Variants in TMEFF1 observed in about 807,000 individuals in gnomAD.
The protein encoded by TMEFF1 is tomoregulin-1.
In TMEFF1, 20 loss-of-function variants were observed where a neutral mutation model predicts 47.5. That is an observed-to-expected ratio of 0.42 (90% confidence interval 0.30 to 0.61). TMEFF1 has a LOEUF of 0.61. TMEFF1 is among the 20% of genes least tolerant of loss of function. The probability of loss-of-function intolerance (pLI) is 0.19; values close to 1 mark genes in which losing one functional copy is unlikely to be tolerated. For missense variants in TMEFF1, 411 were observed against 471.1 expected (o/e 0.87, Z 1.18); for synonymous variants, 162 against 166.3 (o/e 0.97, Z 0.20).
At chr9:100,526,311 A>G (rs1838252310) in intron 5 of TMEFF1, among the ~76,000 whole-genome samples, 1 of 151,906 alleles carries the variant, frequency 6.6e-6, no homozygotes, top group African/African-American at 2.4e-5. Flanking sequence ...TTTCCTAGAT[A>G]CTTACTGACT....
chr9:100,504,639 G>C (rs1011586184), intron 2 of TMEFF1, among the ~76,000 whole-genome samples: 2 of 152,210 alleles, frequency 1.3e-5, no homozygotes, highest in Non-Finnish European at 1.5e-5. Flanking sequence ...AACTTTGTTA[G>C]GTAGGTAGTA....
intron 5 of TMEFF1, among the ~76,000 whole-genome samples, chr9:100,546,434 C>G (rs908331352): frequency 2.0e-5 from 3 of 151,366 alleles, no homozygotes; most frequent in Admixed American, 6.6e-5. Context: ...TTCAATCCCC[C>G]CCCCACCAGG....
intron 1 of TMEFF1, among the ~76,000 whole-genome samples, chr9:100,475,532 C>T (rs1214319750): frequency 6.6e-6 from 1 of 152,074 alleles, no homozygotes; most frequent in African/African-American, 2.4e-5. Flanking sequence ...AATATTTTTC[C>T]AGCTAATGTG....
At chr9:100,544,130 C>G (rs1450777629) in intron 5 of TMEFF1, among the ~76,000 whole-genome samples, 2 of 151,334 alleles carry the variant, frequency 1.3e-5, no homozygotes, top group South Asian at 2.1e-4. Flanking sequence ...CTCCAGACTC[C>G]CTACCTTAGG....
In TMEFF1 at chr9:100,572,676, G is replaced by A; in HGVS notation, c.1058G>A (p.Arg353Lys). The change falls in exon 9 of 10, where the codon AGA (arginine) becomes AAA (lysine). Residue 353 changes from arginine (R) to lysine (K), a missense_variant and splice_region_variant. Arg to Lys is a conservative substitution (Grantham distance 26). Coordinates refer to ENST00000374879, the MANE Select transcript of TMEFF1 (RefSeq NM_003692.5). The stretch of plus-strand genomic sequence containing the variant: ...GTAGCAATTGTAATGTGCATAACAA[G>A]GTAGGTAATGATGTAAGAAATATCA... The part of the protein sequence containing the change: ...IIVAIVMCIT[R>K]KCPKNNRGRR... 5 of 1,602,602 alleles carry A rather than the reference G, an allele frequency of 3.1e-6. No homozygotes were observed. Among genetic ancestry groups the A allele is most frequent in the Non-Finnish European group, 4.3e-6 (5 of 1,175,448 alleles).
intron 5 of TMEFF1, among the ~76,000 whole-genome samples, chr9:100,523,603 AG>A (rs1434235117): frequency 1.3e-5 from 2 of 152,224 alleles, no homozygotes; most frequent in African/African-American, 2.4e-5. Flanking sequence ...AATTTGTTGC[AG>A]GCTTTATTAG....
chr9:100,556,231 C>T (rs1838911786), intron 7 of TMEFF1, among the ~76,000 whole-genome samples: 1 of 151,742 alleles, frequency 6.6e-6, no homozygotes, highest in Non-Finnish European at 1.5e-5. Flanking sequence ...GTGCCTGGAA[C>T]GTAATAGATG....
At chr9:100,515,087 G>A (rs1190481923) in intron 4 of TMEFF1, among the ~76,000 whole-genome samples, 1 of 152,170 alleles carries the variant, frequency 6.6e-6, no homozygotes, top group Admixed American at 6.5e-5. Context: ...GATTGCTTGA[G>A]CCCAGGAGGT....
intron 2 of TMEFF1, among the ~76,000 whole-genome samples, chr9:100,501,970 T>C (rs1462146308): frequency 9.9e-5 from 15 of 152,174 alleles, no homozygotes; most frequent in Admixed American, 9.8e-4. Flanking sequence ...AAAAGAGTAA[T>C]GTATGCCCAT....
chr9:100,530,283 T>G (rs902832122), intron 5 of TMEFF1, among the ~76,000 whole-genome samples: 13 of 151,932 alleles, frequency 8.6e-5, no homozygotes, highest in African/African-American at 3.1e-4. Flanking sequence ...TTCAAAAAAT[T>G]AATGAATCCA....
intron 2 of TMEFF1, among the ~76,000 whole-genome samples, chr9:100,506,906 G>A (rs1186123843): frequency 6.6e-6 from 1 of 151,162 alleles, no homozygotes; most frequent in Admixed American, 6.6e-5. Flanking sequence ...TTAAACTTCA[G>A]CTTTTATTTT....
chr9:100,549,244 C>T (rs981624262), intron 6 of TMEFF1, among the ~76,000 whole-genome samples: 6 of 151,992 alleles, frequency 3.9e-5, no homozygotes, highest in Admixed American at 6.5e-5. Context: ...CTTACATGGC[C>T]GGAAAAGGAG....
intron 3 of TMEFF1, among the ~76,000 whole-genome samples, chr9:100,511,736 A>G (rs1403779902): frequency 6.6e-6 from 1 of 152,028 alleles, no homozygotes; most frequent in Non-Finnish European, 1.5e-5. Flanking sequence ...ATTGTATTTC[A>G]TTCATCTGAC....
At chr9:100,477,618 GC>G (rs1837258935) in intron 1 of TMEFF1, among the ~76,000 whole-genome samples, 1 of 139,624 alleles carries the variant, frequency 7.2e-6, no homozygotes, top group African/African-American at 2.7e-5. Flanking sequence ...TCTGCATTCC[GC>G]CTTTTTTTTT....
At chr9:100,570,729 T>C (rs552779918) in intron 8 of TMEFF1, among the ~76,000 whole-genome samples, 5 of 152,128 alleles carry the variant, frequency 3.3e-5, no homozygotes, top group Admixed American at 6.6e-5. Context: ...AGGGACTGGA[T>C]TGGTAGACTT....
intron 1 of TMEFF1, among the ~76,000 whole-genome samples, chr9:100,495,596 A>T (rs1394028187): frequency 6.6e-6 from 1 of 152,184 alleles, no homozygotes; most frequent in Admixed American, 6.5e-5. Context: ...CATAGTTTTA[A>T]GTACCTAGTA....
intron 8 of TMEFF1, among the ~76,000 whole-genome samples, chr9:100,562,873 A>C (rs1192149826): frequency 6.6e-6 from 1 of 152,114 alleles, no homozygotes; most frequent in East Asian, 1.9e-4. Context: ...GCTGGAGTGC[A>C]GTGGTGCGAT....
chr9:100,542,089 C>T (rs1280977809), intron 5 of TMEFF1, among the ~76,000 whole-genome samples: 1 of 151,198 alleles, frequency 6.6e-6, no homozygotes, highest in Non-Finnish European at 1.5e-5. Context: ...CTTGCTTTTC[C>T]TTTTTCTTTT....
intron 6 of TMEFF1, among the ~76,000 whole-genome samples, chr9:100,549,873 A>G (rs910291998): frequency 6.6e-6 from 1 of 152,208 alleles, no homozygotes; most frequent in Admixed American, 6.5e-5. Flanking sequence ...GCTGAAGTAT[A>G]GATGAAATTG....
Sources: gnomAD v4.1 joint callset for allele counts (sites outside exome capture counted in the v4.1 genomes callset) on GRCh38, gnomAD v4.1.1 for gene constraint, MANE v1.5 for transcripts, NCBI Gene and HGNC (gene_info 2026-07-23, HGNC 2026-07-21) for gene names.